CDH7: variants seen among roughly 807,000 people sequenced by gnomAD.
CDH7 encodes the protein cadherin 7, also known as cadherin-7.
Under a neutral mutation model 71.8 loss-of-function variants are expected in CDH7, and 25 were observed. The ratio of observed to expected loss-of-function variants is 0.35; its 90% CI spans 0.25 to 0.49. CDH7 has a LOEUF of 0.49. Ranked by LOEUF, CDH7 falls within the 20% of genes least tolerant of loss-of-function variation. The pLI, the probability that CDH7 is intolerant of heterozygous loss-of-function variation, is 0.99. For missense variants in CDH7, 862 were observed against 974.6 expected (o/e 0.88, Z 1.54); for synonymous variants, 381 against 363.8 (o/e 1.05, Z -0.54).
At chr18:65,869,712 T>C (rs928160757) in intron 11 of CDH7, among the ~76,000 whole-genome samples, 6 of 149,610 alleles carry the variant, frequency 4.0e-5, no homozygotes, top group Non-Finnish European at 7.4e-5. Flanking sequence ...CTTGTCCATC[T>C]CTTCCAGTAG....
At chr18:65,805,207 A>G (rs1911272274) in intron 2 of CDH7, among the ~76,000 whole-genome samples, 1 of 152,226 alleles carries the variant, frequency 6.6e-6, no homozygotes, top group South Asian at 2.1e-4. Context: ...GAATTCTGTC[A>G]TAGAAATTGA....
intron 4 of CDH7, among the ~76,000 whole-genome samples, chr18:65,817,871 C>A (rs1340545179): frequency 1.3e-5 from 2 of 152,234 alleles, no homozygotes; most frequent in African/African-American, 4.8e-5. Flanking sequence ...AGAAAGCAAG[C>A]CTGAAACATT....
chr18:65,768,024 C>T (rs7237421), intron 2 of CDH7, among the ~76,000 whole-genome samples: 67,192 of 151,994 alleles, frequency 0.44, 17,695 homozygotes, highest in African/African-American at 0.75. Context: ...GTGGAAGACT[C>T]TCAGTTATAT....
intron 2 of CDH7, among the ~76,000 whole-genome samples, chr18:65,807,092 G>T (rs1911352470): frequency 6.6e-6 from 1 of 151,526 alleles, no homozygotes; most frequent in Non-Finnish European, 1.5e-5. Context: ...TCTGAAACAG[G>T]ATGTGTGCGT....
intron 7 of CDH7, among the ~76,000 whole-genome samples, chr18:65,850,390 A>G (rs1195342204): frequency 6.6e-6 from 1 of 151,672 alleles, no homozygotes; most frequent in African/African-American, 2.4e-5. Context: ...GTTTATTGAA[A>G]TAATTGGGTA....
intron 2 of CDH7, among the ~76,000 whole-genome samples, chr18:65,801,616 GTCCT>G (rs1911127606): frequency 6.6e-6 from 1 of 152,142 alleles, no homozygotes; most frequent in Non-Finnish European, 1.5e-5. Context: ...GTCACCATCT[GTCCT>G]CTTCTTGGCT....
chr18:65,880,576 C>T lies in CDH7; in HGVS notation c.2040C>T (p.Thr680=), dbSNP rs1207968378. ...ALRNLNVIRD[T]KTRRDVTPEI... is the part of the protein sequence containing the mutation. ...GAAACCTCAACGTCATCCGAGACAC[C>T]AAGACCCGGAGGGATGTGACTCCAG... Residue 680 remains threonine, a synonymous_variant, in exon 12 of 12, where the codon ACC becomes ACT. Transcript: ENST00000397968. The T allele has an allele frequency of 5.0e-6, 8 of 1,613,564 alleles. No homozygotes were observed. Among genetic ancestry groups the T allele is most frequent in the African/African-American group, 1.3e-5 (1 of 74,826 alleles).
At chr18:65,799,620 G>A (rs774832088) in intron 2 of CDH7, among the ~76,000 whole-genome samples, 15 of 152,078 alleles carry the variant, frequency 9.9e-5, no homozygotes, top group Non-Finnish European at 1.9e-4. Flanking sequence ...AGCTTGCAGT[G>A]AGCTGAGATC....
intron 6 of CDH7, among the ~76,000 whole-genome samples, chr18:65,830,249 G>A (rs570620840): frequency 5.5e-4 from 83 of 152,266 alleles, no homozygotes; most frequent in African/African-American, 1.8e-3. Flanking sequence ...ACTGCTGTTG[G>A]TAAATAGGAA....
rs78684066 is a variant in CDH7, at chr18:65,835,945, G to A, written c.982-7867G>A. Among the ~76,000 whole-genome samples, 878 of 152,276 alleles carry A rather than the reference G, an allele frequency of 5.8e-3. 17 individuals are homozygous for A. Among genetic ancestry groups the A allele is most frequent in the African/African-American group, 0.02 (827 of 41,546 alleles). ...ATCCTGGATCACATAATTGGGTGCA[G>A]TATAATCACAAGGCTCCTTAAAGAG... On this transcript the variant is annotated intron_variant, in intron 6 of 11. Transcript: ENST00000397968.
chr18:65,858,264 G>A lies in CDH7; in HGVS notation c.1372+312G>A, dbSNP rs2587423. Among the ~76,000 whole-genome samples, 116,209 of 151,878 alleles carry A rather than the reference G, an allele frequency of 0.77. 44,642 individuals are homozygous for A. The highest frequency in any genetic ancestry group is 0.93 in the East Asian group (4,815 of 5,162). ...TATGGAGTTAGTGAAATAACTTACA[G>A]TAATTAGTAAATTGATCTATAACAA... On this transcript the variant is annotated intron_variant, in intron 8 of 11. Transcript: ENST00000397968.
At chr18:65,827,787 G>A (rs185771391) in intron 6 of CDH7, among the ~76,000 whole-genome samples, 9 of 152,000 alleles carry the variant, frequency 5.9e-5, no homozygotes, top group Admixed American at 1.3e-4. Context: ...AACCTAAGCA[G>A]TATGGTCTGC....
intron 1 of CDH7, among the ~76,000 whole-genome samples, chr18:65,752,257 G>A (rs2143764497): frequency 6.6e-6 from 1 of 152,330 alleles, no homozygotes; most frequent in Middle Eastern, 3.4e-3. Context: ...TAAGTGACTT[G>A]TTAATATATG....
intron 2 of CDH7, among the ~76,000 whole-genome samples, chr18:65,801,674 C>T (rs1030896673): frequency 6.6e-5 from 10 of 152,126 alleles, no homozygotes; most frequent in Non-Finnish European, 1.0e-4. Flanking sequence ...TTATCGCTGA[C>T]GTTCTGTGTT....
intron 6 of CDH7, among the ~76,000 whole-genome samples, chr18:65,842,123 G>C (rs12604428): frequency 6.6e-6 from 1 of 152,088 alleles, no homozygotes; most frequent in East Asian, 1.9e-4. Context: ...CTTTGGGTCA[G>C]ATGTATAGTT....
At chr18:65,845,034 A>G (rs1182728594) in intron 7 of CDH7, among the ~76,000 whole-genome samples, 3 of 152,022 alleles carry the variant, frequency 2.0e-5, no homozygotes. Flanking sequence ...CTTTTGAGAT[A>G]AGTCTGGACG....
intron 6 of CDH7, among the ~76,000 whole-genome samples, chr18:65,837,014 A>T (rs935667138): frequency 3.3e-5 from 5 of 152,148 alleles, no homozygotes; most frequent in Non-Finnish European, 7.3e-5. Flanking sequence ...CTCCCCCCAT[A>T]ACCCATAGAC....
At chr18:65,876,240 A>G (rs1035690947) in intron 11 of CDH7, among the ~76,000 whole-genome samples, 2 of 152,162 alleles carry the variant, frequency 1.3e-5, no homozygotes, top group Non-Finnish European at 2.9e-5. Context: ...ATGCTCAGAA[A>G]ATGTTGAATT....
At chr18:65,782,176 T>TTCTTTCTTTCC (rs1910333092) in intron 2 of CDH7, among the ~76,000 whole-genome samples, 7 of 134,644 alleles carry the variant, frequency 5.2e-5, no homozygotes, top group African/African-American at 2.3e-4. Context: ...CTTTCTTTCT[T>TTCTTTCTTTCC]TCTTTCTTTC....
Sources: allele counts gnomAD v4.1 joint callset (sites outside exome capture counted in the v4.1 genomes callset), GRCh38; gene constraint gnomAD v4.1.1; transcripts MANE v1.5; gene names NCBI Gene and HGNC (gene_info 2026-07-23, HGNC 2026-07-21).